PATJ: variants seen among roughly 807,000 people sequenced by gnomAD.
PATJ encodes the protein inaD-like protein.
In PATJ, 190 loss-of-function variants were observed where a neutral mutation model predicts 224.9. The ratio of observed to expected loss-of-function variants is 0.84; its 90% confidence interval spans 0.75 to 0.95. PATJ has a LOEUF of 0.95. Ranked by LOEUF, PATJ falls within the 40% of genes least tolerant of loss-of-function variation. The pLI, the probability that PATJ is intolerant of heterozygous loss-of-function variation, is 0.00. For missense variants in PATJ, 2,121 were observed against 2,270.3 expected (o/e 0.93, Z 1.34); for synonymous variants, 769 against 820.3 (o/e 0.94, Z 1.07).
intron 17 of PATJ, among the ~76,000 whole-genome samples, chr1:61,836,031 C>T (rs1379642703): frequency 6.6e-6 from 1 of 151,924 alleles, no homozygotes; most frequent in Non-Finnish European, 1.5e-5. Context: ...TTGAATAGTG[C>T]ACATATTAAG....
chr1:62,152,512 C>T (rs1668730352), intron 42 of PATJ, among the ~76,000 whole-genome samples: 1 of 151,924 alleles, frequency 6.6e-6, no homozygotes, highest in Admixed American at 6.6e-5. Context: ...CTTAGCTGGG[C>T]ATGGTAGTAC....
chr1:61,796,127 G>T (rs1651046054), intron 10 of PATJ, among the ~76,000 whole-genome samples: 1 of 152,114 alleles, frequency 6.6e-6, no homozygotes, highest in Non-Finnish European at 1.5e-5. Context: ...AGAAACAAAT[G>T]CTGGGTGGTA....
chr1:62,044,999 C>G (rs1652252536), intron 30 of PATJ, among the ~76,000 whole-genome samples: 1 of 152,198 alleles, frequency 6.6e-6, no homozygotes. Flanking sequence ...TGGCGGATCA[C>G]CTGAGGTCAG....
chr1:62,138,160 A>ACAC (rs1667147642), intron 41 of PATJ, among the ~76,000 whole-genome samples: 3 of 152,158 alleles, frequency 2.0e-5, no homozygotes, highest in Middle Eastern at 3.2e-3. Flanking sequence ...CTTTAAGTAA[A>ACAC]CACAACCATT....
intron 31 of PATJ, among the ~76,000 whole-genome samples, chr1:62,055,185 G>A (rs59720268): frequency 3.5e-4 from 53 of 152,194 alleles, no homozygotes; most frequent in African/African-American, 1.3e-3. Flanking sequence ...TTATAGATGA[G>A]ACTTTATCTG....
intron 30 of PATJ, among the ~76,000 whole-genome samples, chr1:62,050,635 G>GC (rs1238352517): frequency 1.3e-5 from 2 of 152,146 alleles, no homozygotes; most frequent in African/African-American, 4.8e-5. Flanking sequence ...TCATTGGCCA[G>GC]AACTGACAAA....
intron 18 of PATJ, among the ~76,000 whole-genome samples, chr1:61,858,094 A>G (rs1447523146): frequency 6.6e-6 from 1 of 152,152 alleles, no homozygotes; most frequent in Non-Finnish European, 1.5e-5. Flanking sequence ...AAAGAGGTTT[A>G]ATTAGCTCAC....
chr1:62,059,053 T>G (rs1477159679), intron 31 of PATJ, among the ~76,000 whole-genome samples: 1 of 152,138 alleles, frequency 6.6e-6, no homozygotes, highest in Non-Finnish European at 1.5e-5. Flanking sequence ...GTACCTGCCT[T>G]TTCATTCTTC....
chr1:62,008,195 C>T (rs1195372662), intron 28 of PATJ, among the ~76,000 whole-genome samples: 1 of 152,158 alleles, frequency 6.6e-6, no homozygotes, highest in Non-Finnish European at 1.5e-5. Flanking sequence ...TGCTCCTCAG[C>T]TGTGGCCTGG....
At chr1:62,121,157 G>T in intron 37 of PATJ, 24 bp from the exon 38 acceptor site, 8 of 1,496,976 alleles carry the variant, frequency 5.3e-6, no homozygotes, top group Non-Finnish European at 6.5e-6. Flanking sequence ...CTGCACACAG[G>T]TGACCCCTGG....
chr1:62,063,934 TATC>T (rs1291540285), intron 31 of PATJ, among the ~76,000 whole-genome samples: 3 of 152,236 alleles, frequency 2.0e-5, no homozygotes, highest in Non-Finnish European at 4.4e-5. Flanking sequence ...TACAGAATCA[TATC>T]ATCAGTGAAG....
chr1:61,743,191 G>A (rs1279052408), intron 1 of PATJ, among the ~76,000 whole-genome samples: 5 of 152,228 alleles, frequency 3.3e-5, no homozygotes, highest in Non-Finnish European at 5.9e-5. Context: ...TGCCAGCCTT[G>A]CTGCGTAGAT....
chr1:61,795,193 C>A (rs1650820299), intron 9 of PATJ, among the ~76,000 whole-genome samples: 1 of 151,560 alleles, frequency 6.6e-6, no homozygotes, highest in Non-Finnish European at 1.5e-5. Context: ...TCTGGGCTCT[C>A]CTGAATTCCA....
intron 14 of PATJ, among the ~76,000 whole-genome samples, chr1:61,810,928 G>A (rs1020506113): frequency 1.3e-5 from 2 of 151,796 alleles, no homozygotes; most frequent in African/African-American, 2.4e-5. Context: ...CCGTCTCAAA[G>A]ACAAACACCT....
Position 61,822,971 on chromosome 1 carries a change from T to C in PATJ, c.1710T>C (p.Leu570=). The part of the protein sequence containing the change: ...SKLLPIHTLR[L]GVEVDSFDGH... ...TGCTGCCTATTCACACTCTGAGGCT[T>C]GGTGTGGAAGTGGATTCCTTTGATG... The change falls in exon 15 of 44, where the codon CTT becomes CTC. Residue 570 remains leucine, a synonymous_variant. Transcript: ENST00000642238. The C allele has an allele frequency of 6.2e-7, 1 of 1,614,150 alleles. No homozygotes were observed. Among genetic ancestry groups the C allele is most frequent in the African/African-American group, 1.3e-5 (1 of 75,044 alleles).
At chr1:61,989,988 A>C (rs935885045) in intron 27 of PATJ, among the ~76,000 whole-genome samples, 180 bp from the exon 28 acceptor site, 5 of 152,060 alleles carry the variant, frequency 3.3e-5, no homozygotes, top group Non-Finnish European at 7.4e-5. Flanking sequence ...AGTGTGCTAT[A>C]GTCACACCTG....
chr1:62,121,342 T>TAA (rs5774582), intron 38 of PATJ, 47 bp downstream of exon 38: 37,544 of 831,240 alleles, frequency 0.045, 337 homozygotes, highest in East Asian at 0.15. Flanking sequence ...TTACCCAAAT[T>TAA]AAAAAAAAAA....
At chr1:61,923,642 G>T (rs1421398814) in intron 26 of PATJ, among the ~76,000 whole-genome samples, 1 of 152,136 alleles carries the variant, frequency 6.6e-6, no homozygotes, top group Non-Finnish European at 1.5e-5. Context: ...GACTAGCCGG[G>T]CGTGGTGGCT....
intron 14 of PATJ, among the ~76,000 whole-genome samples, chr1:61,813,378 TACACACACACAC>T (rs141533164): frequency 2.2e-5 from 1 of 46,368 alleles, no homozygotes; most frequent in Non-Finnish European, 4.4e-5. Flanking sequence ...TATATATATA[TACACACACACAC>T]ACACACACAT....
Sources: allele counts gnomAD v4.1 joint callset (sites outside exome capture counted in the v4.1 genomes callset), GRCh38; gene constraint gnomAD v4.1.1; transcripts MANE v1.5; gene names NCBI Gene and HGNC (gene_info 2026-07-23, HGNC 2026-07-21).